Variants in UNC79 observed in about 807,000 individuals in gnomAD.
The protein encoded by UNC79 is protein unc-79 homolog.
Under a neutral mutation model 283.1 loss-of-function variants are expected in UNC79, and 37 were observed. The ratio of observed to expected loss-of-function variants is 0.13; its 90% CI spans 0.10 to 0.17. UNC79 has a LOEUF of 0.17. Ranked by LOEUF, UNC79 falls within the 10% of genes least tolerant of loss-of-function variation. The pLI is 1.00. For missense variants in UNC79, 2,272 were observed against 3,211.1 expected (o/e 0.71, Z 7.07); for synonymous variants, 1,107 against 1,200.2 (o/e 0.92, Z 1.61).
chr14:93,484,608 G>A (rs1272801017), intron 4 of UNC79, among the ~76,000 whole-genome samples: 1 of 152,122 alleles, frequency 6.6e-6, no homozygotes, highest in Non-Finnish European at 1.5e-5. Flanking sequence ...TATTTCCTGA[G>A]CACAATATTA....
intron 42 of UNC79, 81 bp downstream of exon 45, chr14:93,682,775 C>A: frequency 2.1e-6 from 3 of 1,427,316 alleles, no homozygotes; most frequent in Non-Finnish European, 2.9e-6. Context: ...AGACTTACAT[C>A]AGGGTTTGAG....
intron 11 of UNC79, among the ~76,000 whole-genome samples, chr14:93,535,796 A>G (rs571850435): frequency 2.9e-4 from 44 of 152,314 alleles, no homozygotes; most frequent in South Asian, 1.2e-3. Context: ...GAACATCTCA[A>G]GGCAGCAAGT....
intron 1 of UNC79, among the ~76,000 whole-genome samples, chr14:93,393,109 CAG>C (rs1211190034): frequency 6.6e-6 from 1 of 152,050 alleles, no homozygotes; most frequent in African/African-American, 2.4e-5. Context: ...GCCAGTGAGA[CAG>C]AGAGGAAAAT....
chr14:93,422,027 C>T (rs1457310350), intron 1 of UNC79, among the ~76,000 whole-genome samples: 1 of 151,762 alleles, frequency 6.6e-6, no homozygotes, highest in Non-Finnish European at 1.5e-5. Flanking sequence ...TGAGACAGGT[C>T]TTAATCAATT....
At position 93,345,424 on chromosome 14, in the gene UNC79, A is replaced by T. The variant is rs148238450; in HGVS notation, c.-351+11901A>T. 2.7e-3 allele frequency among the ~76,000 whole-genome samples: 408 copies of T among 150,940 alleles called. 1 individual carries two copies. Among genetic ancestry groups the T allele is most frequent in the African/African-American group, 9.7e-3 (390 of 40,288 alleles). ...GGCAAGTTCAAAATAAATAAATAGA[A>T]TGTACGCTAAAGAAACACAGTTCAT... On this transcript the variant is annotated intron_variant, in intron 1 of 49. Coordinates refer to the UNC79 transcript ENST00000256339.
chr14:93,653,754 C>T (rs139115792), exon 36 of UNC79: 80 of 1,612,968 alleles, frequency 5.0e-5, no homozygotes, highest in Admixed American at 6.7e-5. Flanking sequence ...TGATGGTTCC[C>T]GGCAATGCGG....
intron 1 of UNC79, chr14:93,347,370 G>T: frequency 6.8e-7 from 1 of 1,479,620 alleles, no homozygotes; most frequent in East Asian, 2.7e-5. Context: ...CGGGGCCCCC[G>T]CGCCAGCGGC....
intron 16 of UNC79, 146 bp downstream of exon 16, chr14:93,572,962 A>C: frequency 1.1e-6 from 1 of 931,112 alleles, no homozygotes; most frequent in Non-Finnish European, 1.5e-6. Context: ...TGCATAGATA[A>C]ATGAGTAAAT....
chr14:93,372,226 T>C (rs952858121), intron 1 of UNC79, among the ~76,000 whole-genome samples: 2 of 152,364 alleles, frequency 1.3e-5, no homozygotes, highest in South Asian at 2.1e-4. Flanking sequence ...TATTCAATTA[T>C]ATATGCTTAT....
chr14:93,415,798 T>G (rs935467537), intron 1 of UNC79, among the ~76,000 whole-genome samples: 23 of 150,884 alleles, frequency 1.5e-4, no homozygotes, highest in Admixed American at 1.4e-3. Flanking sequence ...ATTTTCTAGT[T>G]TATTTGCATA....
chr14:93,428,383 T>G (rs1051337882), upstream of UNC79, among the ~76,000 whole-genome samples: 2 of 152,120 alleles, frequency 1.3e-5, no homozygotes, highest in African/African-American at 4.8e-5. Flanking sequence ...AAAAAAGGCA[T>G]TGCATCTGGC....
At chr14:93,451,532 G>T (rs2056642267) in intron 1 of UNC79, among the ~76,000 whole-genome samples, 1 of 152,168 alleles carries the variant, frequency 6.6e-6, no homozygotes, top group Non-Finnish European at 1.5e-5. Context: ...CATTCTGTTT[G>T]GTCTCTGCCA....
intron 16 of UNC79, 64 bp from the exon 17 acceptor site, chr14:93,574,994 A>G (rs924794575): frequency 1.8e-5 from 28 of 1,546,134 alleles, no homozygotes; most frequent in African/African-American, 1.7e-4. Context: ...AAGGTTAAAT[A>G]TAGCTTTTTT....
chr14:93,658,466 C>T (rs2071189939), intron 38 of UNC79, among the ~76,000 whole-genome samples: 1 of 152,180 alleles, frequency 6.6e-6, no homozygotes, highest in Non-Finnish European at 1.5e-5. Context: ...TGCACAGCTG[C>T]AGAAATTTAA....
At chr14:93,652,918 A>G (rs187217500) in intron 35 of UNC79, among the ~76,000 whole-genome samples, 172 of 152,192 alleles carry the variant, frequency 1.1e-3, no homozygotes, top group Non-Finnish European at 1.6e-3. Context: ...CTCCTTCTCT[A>G]TTTTCTGAAG....
At chr14:93,539,005 C>T (rs1035523360) in intron 12 of UNC79, among the ~76,000 whole-genome samples, 5 of 151,346 alleles carry the variant, frequency 3.3e-5, no homozygotes, top group Admixed American at 2.0e-4. Context: ...TGGGTTCAAG[C>T]GATTCTCCTG....
rs143990015 is a variant in UNC79 at position 93,572,394 on chromosome 14, C to A, written c.1947-299C>A. ...TGTGGTGGAAAAGTGCAAAGGGAAA[C>A]TGTTTTAGATGCTAGGGAGCAATGC... On this transcript the variant is annotated intron_variant, in intron 15 of 48. Transcript: ENST00000555664. Among the ~76,000 whole-genome samples the A allele has an allele frequency of 1.6e-3, 237 of 152,294 alleles. 1 individual carries two copies. The highest frequency in any genetic ancestry group is 5.2e-3 in the African/African-American group (216 of 41,566).
Position 93,621,581 on chromosome 14 carries a change from C to T in UNC79, c.4388-40C>T. On this transcript the variant is annotated intron_variant, in intron 29 of 48. Coordinates refer to ENST00000555664, the Ensembl canonical transcript of UNC79. The surrounding 1 kb of genome is among the most constrained non-coding windows in gnomAD (Gnocchi z 4.8). ...GGATGAGGGGAAAAAATGGTGAAAT[C>T]TCCAAGTAAAATAGTACTAGCTTTT... 1 of 1,493,100 alleles carries T rather than the reference C, an allele frequency of 6.7e-7. No homozygotes were observed. The highest frequency in any genetic ancestry group is 8.9e-7 in the Non-Finnish European group (1 of 1,123,222). The allele number at this position is 1,493,100 out of a possible 1,614,324, so 92.5% of individuals were successfully genotyped here. A position where few individuals can be genotyped will look rare whatever the true frequency, so the allele number is the denominator to read the frequency against.
chr14:93,583,965 C>T (rs1229203910), intron 20 of UNC79, among the ~76,000 whole-genome samples: 1 of 152,010 alleles, frequency 6.6e-6, no homozygotes, highest in Non-Finnish European at 1.5e-5. Flanking sequence ...TCCACCATGC[C>T]CGGCTAGTTT....
Sources: allele counts gnomAD v4.1 joint callset (sites outside exome capture counted in the v4.1 genomes callset), GRCh38; gene constraint gnomAD v4.1.1; non-coding constraint Gnocchi (gnomAD v3.1); transcripts MANE v1.5; gene names NCBI Gene and HGNC (gene_info 2026-07-23, HGNC 2026-07-21).